CEP72: variants seen among roughly 807,000 people sequenced by gnomAD.
CEP72 encodes centrosomal protein of 72 kDa.
A neutral mutation model predicts 65.7 loss-of-function variants in CEP72; 78 were observed. The observed-to-expected ratio is 1.19, with a 90% CI of 0.99 to 1.43. CEP72 has a LOEUF of 1.43. Ranked by LOEUF, CEP72 falls within the 40% of genes most tolerant of loss-of-function variation. The pLI is 0.00. For synonymous variants in CEP72, 358 were observed against 351.7 expected (o/e 1.02, Z -0.20); for missense variants, 914 against 832.9 (o/e 1.10, Z -1.20).
downstream of CEP72, among the ~76,000 whole-genome samples, chr5:654,165 GCGCGTGCACTTGCTCTGTGTA>G (rs1739291893): frequency 6.8e-6 from 1 of 147,024 alleles, no homozygotes; most frequent in African/African-American, 2.5e-5. Context: ...TGTGCTCTGT[GCGCGTGCACTTGCTCTGTGTA>G]CTAGCTGTGT....
chr5:640,131 G>T (rs59382685), intron 8 of CEP72, among the ~76,000 whole-genome samples: 14,948 of 152,214 alleles, frequency 0.098, 1,587 homozygotes, highest in African/African-American at 0.26. Context: ...AAGGCGCAGC[G>T]AGTTGTGGCG....
chr5:649,154 G>A (rs1738708826), intron 11 of CEP72, among the ~76,000 whole-genome samples: 1 of 147,790 alleles, frequency 6.8e-6, no homozygotes, highest in Admixed American at 6.7e-5. Flanking sequence ...GTGACTGTGA[G>A]GCGTGACTGT....
intron 3 of CEP72, among the ~76,000 whole-genome samples, chr5:621,797 A>G (rs1205911851): frequency 2.0e-5 from 3 of 152,254 alleles, no homozygotes; most frequent in East Asian, 3.8e-4. Flanking sequence ...TTTTTGAGAC[A>G]TAGTCTCGCT....
intron 11 of CEP72, among the ~76,000 whole-genome samples, chr5:648,858 T>G (rs1373791816): frequency 3.9e-4 from 4 of 10,160 alleles, no homozygotes; most frequent in African/African-American, 7.3e-4. Flanking sequence ...CTGTGAGGTG[T>G]GACTGTGAGG....
chr5:619,582 G>C (rs1052588072), intron 2 of CEP72, among the ~76,000 whole-genome samples: 1 of 152,164 alleles, frequency 6.6e-6, no homozygotes, highest in Admixed American at 6.5e-5. Context: ...CGTGGGATGC[G>C]CCTGCCCTGA....
chr5:666,810 T>A (rs150309428), intron 4 of CEP72: 1 of 152,374 alleles, frequency 6.6e-6, no homozygotes, highest in African/African-American at 2.4e-5. Flanking sequence ...CTAAACTGAC[T>A]CTTGGTTTTT....
At chr5:620,313 AGTCGGGGAGTCGTAGTGG>A (rs1736304853) in intron 3 of CEP72, 52 bp downstream of exon 3, 14 of 1,482,016 alleles carry the variant, frequency 9.4e-6, no homozygotes, top group Non-Finnish European at 1.3e-5. Context: ...GGGGTATGGG[AGTCGGGGAGTCGTAGTGG>A]GTGTCTGTGT....
chr5:675,332 A>G, the CEP72 span, among the ~76,000 whole-genome samples: 2 of 36,652 alleles, frequency 5.5e-5, no homozygotes, highest in Admixed American at 4.2e-4. Context: ...CCGGGGGTGC[A>G]GTGTGGCTGG....
intron 11 of CEP72, among the ~76,000 whole-genome samples, chr5:652,086 G>T (rs902363437): frequency 1.3e-5 from 2 of 152,192 alleles, no homozygotes; most frequent in African/African-American, 4.8e-5. Flanking sequence ...TGTGGCGGCC[G>T]CGGGTGCAGT....
intron 8 of CEP72, 93 bp from the exon 9 acceptor site, chr5:640,315 C>A: frequency 2.0e-6 from 3 of 1,526,410 alleles, no homozygotes; most frequent in African/African-American, 1.4e-5. Flanking sequence ...TTTGAGGCAT[C>A]GTCTGTGTGA....
chr5:659,137 C>T (rs1739479647), downstream of CEP72, among the ~76,000 whole-genome samples: 1 of 152,238 alleles, frequency 6.6e-6, no homozygotes, highest in African/African-American at 2.4e-5. Flanking sequence ...TGCTTCTGTC[C>T]CATGCTTATG....
the CEP72 span, among the ~76,000 whole-genome samples, chr5:674,085 G>A: frequency 6.6e-6 from 1 of 152,254 alleles, no homozygotes; most frequent in South Asian, 2.1e-4. Flanking sequence ...GGCCCTGCAG[G>A]GCTGACGGCC....
intron 11 of CEP72, among the ~76,000 whole-genome samples, chr5:648,847 A>G (rs1738655505): frequency 1.0e-4 from 2 of 19,332 alleles, no homozygotes; most frequent in African/African-American, 2.1e-4. Flanking sequence ...TGAGGTGTGG[A>G]CTGTGAGGTG....
At chr5:640,758 C>A (rs1737960853) in intron 9 of CEP72, 154 bp downstream of exon 9, 5 of 985,468 alleles carry the variant, frequency 5.1e-6, no homozygotes, top group Non-Finnish European at 4.8e-6. Flanking sequence ...CCCGGCCACC[C>A]CCGGAACGCG....
intron 7 of CEP72, among the ~76,000 whole-genome samples, chr5:638,145 G>A (rs1027979043): frequency 1.3e-5 from 2 of 152,214 alleles, no homozygotes; most frequent in African/African-American, 4.8e-5. Context: ...GCTGTCCTGC[G>A]CTGCTGTTCT....
At chr5:633,645 G>C (rs1174361755) in intron 4 of CEP72, 124 bp from the exon 5 acceptor site, 1 of 876,116 alleles carries the variant, frequency 1.1e-6, no homozygotes, top group African/African-American at 1.7e-5. Context: ...GGACCCGGCT[G>C]CCCCACGTTT....
chr5:672,696 C>T, the CEP72 span, among the ~76,000 whole-genome samples: 2 of 152,204 alleles, frequency 1.3e-5, no homozygotes. Context: ...CTGGGAGATT[C>T]GCTGTCCATG....
chr5:635,287 T>C, intron 5 of CEP72, 85 bp from the exon 6 acceptor site: 1 of 1,059,558 alleles, frequency 9.4e-7, no homozygotes, highest in Non-Finnish European at 1.4e-6. Flanking sequence ...TACCATACAC[T>C]ATTCAGAAGC....
At chr5:663,254 T>C (rs1414079890) in intron 1 of CEP72, 1 of 152,448 alleles carries the variant, frequency 6.6e-6, no homozygotes. Flanking sequence ...TGTTTTCAAA[T>C]GTTTCCGCAC....
Sources: allele counts gnomAD v4.1 joint callset (sites outside exome capture counted in the v4.1 genomes callset), GRCh38; gene constraint gnomAD v4.1.1; transcripts MANE v1.5; gene names NCBI Gene and HGNC (gene_info 2026-07-23, HGNC 2026-07-21).